The following RYR3 variants were observed in gnomAD, a reference collection of about 807,000 sequenced individuals.
RYR3 encodes ryanodine receptor 3.
Under a neutral mutation model 584.3 loss-of-function variants are expected in RYR3, and 207 were observed. The observed-to-expected ratio is 0.35, with a 90% CI of 0.32 to 0.40. RYR3 has a LOEUF of 0.40. Among genes scored for constraint, RYR3 ranks in the 10% least tolerant of loss-of-function variants. The pLI is 1.00. For missense variants in RYR3, 5,616 were observed against 6,089.2 expected (o/e 0.92, Z 2.59); for synonymous variants, 2,416 against 2,248.5 (o/e 1.07, Z -2.11).
intron 1 of RYR3, among the ~76,000 whole-genome samples, chr15:33,360,949 C>T (rs1311494470): frequency 1.3e-5 from 2 of 152,220 alleles, no homozygotes; most frequent in South Asian, 2.1e-4. Flanking sequence ...TTCTCTCTGC[C>T]CCAATCCCAC....
intron 2 of RYR3, 101 bp downstream of exon 2, chr15:33,473,639 A>G: frequency 8.6e-7 from 1 of 1,169,164 alleles, no homozygotes; most frequent in Non-Finnish European, 1.2e-6. Flanking sequence ...ACGACATTTG[A>G]AAGGACACAT....
At chr15:33,843,351 AC>A in intron 91 of RYR3, 136 bp from the exon 92 acceptor site, 1 of 603,522 alleles carries the variant, frequency 1.7e-6, no homozygotes, top group Non-Finnish European at 3.0e-6. Flanking sequence ...TGCCAGGGTT[AC>A]CCTAGAAGAG....
At chr15:33,431,561 G>A (rs542920187) in intron 1 of RYR3, among the ~76,000 whole-genome samples, 10 of 152,176 alleles carry the variant, frequency 6.6e-5, no homozygotes, top group Admixed American at 3.9e-4. Flanking sequence ...CCAGGAGTTT[G>A]AGACCAGCTT....
intron 32 of RYR3, among the ~76,000 whole-genome samples, chr15:33,657,158 G>A (rs1421677912): frequency 6.6e-6 from 1 of 152,094 alleles, no homozygotes; most frequent in East Asian, 1.9e-4. Context: ...TTTATCATGT[G>A]AGACTATACT....
chr15:33,624,086 T>C (rs2060860787), intron 20 of RYR3, 63 bp downstream of exon 20: 1 of 1,138,968 alleles, frequency 8.8e-7, no homozygotes, highest in Admixed American at 2.0e-5. Flanking sequence ...TAAATACTTC[T>C]TTCTTTCTTG....
At chr15:33,567,493 T>TGA (rs2057777613) in intron 12 of RYR3, among the ~76,000 whole-genome samples, 2 of 152,354 alleles carry the variant, frequency 1.3e-5, no homozygotes, top group African/African-American at 4.8e-5. Flanking sequence ...TTTCAGATCT[T>TGA]GACTTCTCTT....
chr15:33,787,163 C>A (rs138467881), intron 66 of RYR3, among the ~76,000 whole-genome samples: 29 of 152,308 alleles, frequency 1.9e-4, no homozygotes, highest in Admixed American at 1.6e-3. Flanking sequence ...TTCATTCAGA[C>A]AGGCTACTTA....
In RYR3 at chr15:33,726,399, G is replaced by A; in HGVS notation, c.6926G>A (p.Gly2309Glu). Residue 2309 changes from glycine (G) to glutamate (E), a missense_variant, in exon 46 of 104, where the codon GGA becomes GAA. Physicochemically the swap from Gly to Glu is moderately conservative, Grantham distance 98 (BLOSUM62 -2). This residue lies in a region of RYR3 where 1,280 missense variants were observed against 1,426.2 expected (regional missense o/e 0.90). Coordinates refer to ENST00000634891, the MANE Select transcript of RYR3 (RefSeq NM_001036.6). ...CCTATCTTCCAGCTCATCCAGACAGGAAAGGGGGAAGCCATCCGCATCAGG... is the reference window on the plus strand; with the variant it reads ...CCTATCTTCCAGCTCATCCAGACAGAAAAGGGGGAAGCCATCCGCATCAGG... The part of the protein sequence containing the change: ...CAPEMHLIQT[G>E]KGEAIRIRSI... 6.2e-7 allele frequency: 1 copy of A among 1,613,212 alleles called. No individual in the cohort carries two copies. The highest frequency in any genetic ancestry group is 8.5e-7 in the Non-Finnish European group (1 of 1,179,632).
At position 33,853,573 on chromosome 15, in the gene RYR3, G is replaced by C. The variant is rs758202175; in HGVS notation, c.13690G>C (p.Asp4564His). Residue 4564 changes from aspartate to histidine, a missense_variant, in exon 96 of 104, where the codon GAT (aspartate) becomes CAT (histidine). By Grantham distance (81) the Asp-to-His change is moderately conservative. Transcript: ENST00000634891. ...GCTTCAGGTGATCAACAAGTATGGA[G>C]ATCTCTACGGAGCAGAACGCATTGC... ...VKRKVINKYG[D>H]LYGAERIAEL... 10 of 1,613,788 alleles carry C rather than the reference G, an allele frequency of 6.2e-6. No individual in the cohort carries two copies. In the East Asian group the frequency reaches 2.0e-4, roughly 32 times the overall value.
At chr15:33,810,902 C>G (rs1300268935) in intron 71 of RYR3, 76 bp from the exon 72 acceptor site, 1 of 1,276,510 alleles carries the variant, frequency 7.8e-7, no homozygotes, top group Admixed American at 2.0e-5. Flanking sequence ...TGCGTTGACT[C>G]TCCATACATC....
At chr15:33,605,970 G>C (rs1018137227) in intron 18 of RYR3, among the ~76,000 whole-genome samples, 1 of 152,174 alleles carries the variant, frequency 6.6e-6, no homozygotes, top group Admixed American at 6.5e-5. Flanking sequence ...TTATTTGTGT[G>C]CATAAATTAA....
intron 57 of RYR3, among the ~76,000 whole-genome samples, chr15:33,754,711 C>A (rs779207612): frequency 4.6e-5 from 7 of 152,140 alleles, no homozygotes; most frequent in South Asian, 2.1e-4. Flanking sequence ...TTTAATTTTT[C>A]TTTTATTCAC....
At chr15:33,557,072 A>G (rs1366567792) in intron 10 of RYR3, among the ~76,000 whole-genome samples, 2 of 152,322 alleles carry the variant, frequency 1.3e-5, no homozygotes, top group South Asian at 4.1e-4. Context: ...CCATTCAGAT[A>G]TTCTGTTCAA....
At chr15:33,320,435 A>G (rs61419115) in intron 1 of RYR3, among the ~76,000 whole-genome samples, 1,990 of 152,272 alleles carry the variant, frequency 0.013, 41 homozygotes, top group African/African-American at 0.046. Flanking sequence ...ATTACTCTCC[A>G]CCCAGCCTTA....
At chr15:33,340,483 G>A (rs191439848) in intron 1 of RYR3, among the ~76,000 whole-genome samples, 5 of 152,330 alleles carry the variant, frequency 3.3e-5, no homozygotes, top group African/African-American at 9.6e-5. Context: ...CATAGACTGG[G>A]TGGCTTAAAC....
chr15:33,756,198 G>A (rs369940975), intron 58 of RYR3, 108 bp from the exon 59 acceptor site: 21 of 762,150 alleles, frequency 2.8e-5, no homozygotes, highest in African/African-American at 1.4e-4. Flanking sequence ...TGTGAAATCA[G>A]ATAGCCTTTT....
At chr15:33,625,083 A>G (rs1035432123) in intron 20 of RYR3, among the ~76,000 whole-genome samples, 1 of 152,230 alleles carries the variant, frequency 6.6e-6, no homozygotes, top group Non-Finnish European at 1.5e-5. Flanking sequence ...ACAGTTCTGC[A>G]TGGCTGGGGA....
At chr15:33,557,123 T>C (rs1224287794) in intron 10 of RYR3, among the ~76,000 whole-genome samples, 1 of 152,218 alleles carries the variant, frequency 6.6e-6, no homozygotes, top group Non-Finnish European at 1.5e-5. Flanking sequence ...TGATTTTGGA[T>C]TATGTTCTAT....
chr15:33,838,035 G>C lies in RYR3; in HGVS notation c.12055G>C (p.Glu4019Gln). The change falls in exon 89 of 104, where the codon GAA (glutamate) becomes CAA (glutamine). Residue 4019 changes from glutamate to glutamine, a missense_variant. By Grantham distance (29) the Glu-to-Gln change is conservative. Coordinates refer to ENST00000634891, the MANE Select transcript of RYR3 (RefSeq NM_001036.6). ...CCTGAAGTGTCTGTTGGACCCAGCA[G>C]AAAGTGTGCTAAATTACTTCGAACC... is the stretch of plus-strand genomic sequence containing the variant. ...SRLKCLLDPAESVLNYFEPYL... is the reference protein window; with the variant it reads ...SRLKCLLDPAQSVLNYFEPYL... 6.2e-7 allele frequency: 1 copy of C among 1,614,014 alleles called. No individual in the cohort carries two copies. The highest frequency in any genetic ancestry group is 8.5e-7 in the Non-Finnish European group (1 of 1,179,902).
Sources: allele counts gnomAD v4.1 joint callset (sites outside exome capture counted in the v4.1 genomes callset), GRCh38; gene constraint gnomAD v4.1.1; regional missense constraint gnomAD v4.1.1; transcripts MANE v1.5; gene names NCBI Gene and HGNC (gene_info 2026-07-23, HGNC 2026-07-21).